CEP170: variants seen among roughly 807,000 people sequenced by gnomAD.
CEP170 encodes the protein centrosomal protein of 170 kDa.
CEP170 carries 21 observed loss-of-function variants against 151.9 expected under a neutral mutation model. The ratio of observed to expected loss-of-function variants is 0.14; its 90% CI spans 0.10 to 0.20. CEP170 has a LOEUF of 0.20. Among genes scored for constraint, CEP170 ranks in the 10% least tolerant of loss-of-function variants. The pLI is 1.00. For synonymous variants in CEP170, 356 were observed against 648.8 expected, an observed-to-expected ratio of 0.55 and a Z score of 6.86; for missense variants, 964 against 1,892.9, an observed-to-expected ratio of 0.51 and a Z score of 9.11.
intron 14 of CEP170, among the ~76,000 whole-genome samples, chr1:243,151,210 G>A (rs1403285737): frequency 1.3e-5 from 2 of 151,764 alleles, no homozygotes; most frequent in Non-Finnish European, 2.9e-5. Context: ...AGGCATGTTG[G>A]TGTCAGTATG....
At chr1:243,254,227 T>G (rs2066290397) in intron 1 of CEP170, 1 of 151,004 alleles carries the variant, frequency 6.6e-6, no homozygotes, top group African/African-American at 2.5e-5. Flanking sequence ...AATAAAACTC[T>G]ACGAAACACC....
chr1:243,162,050 T>C (rs2058105952), intron 13 of CEP170, among the ~76,000 whole-genome samples: 2 of 152,212 alleles, frequency 1.3e-5, no homozygotes, highest in Admixed American at 6.5e-5. Flanking sequence ...AATCTGAATA[T>C]ACAATCCTAG....
intron 1 of CEP170, among the ~76,000 whole-genome samples, chr1:243,239,464 C>G (rs1335257691): frequency 6.6e-6 from 1 of 152,200 alleles, no homozygotes; most frequent in Non-Finnish European, 1.5e-5. Context: ...ATCAAAATTA[C>G]ATTTATAAAA....
intron 16 of CEP170, among the ~76,000 whole-genome samples, chr1:243,138,947 A>G (rs1316534274): frequency 1.3e-5 from 2 of 152,170 alleles, no homozygotes; most frequent in East Asian, 1.9e-4. Flanking sequence ...AAGAAAGCCT[A>G]TGTAGCTACC....
At chr1:243,241,646 T>C (rs2064846257) in intron 1 of CEP170, among the ~76,000 whole-genome samples, 1 of 151,650 alleles carries the variant, frequency 6.6e-6, no homozygotes, top group Non-Finnish European at 1.5e-5. Context: ...AAAAATTAGC[T>C]GGGCGTGGTG....
intron 1 of CEP170, among the ~76,000 whole-genome samples, chr1:243,241,792 TA>T (rs34933017): frequency 0.32 from 44,806 of 139,862 alleles, 7,057 homozygotes; most frequent in South Asian, 0.54. Context: ...TCCCTCTCAT[TA>T]AAAAAAAAAA....
chr1:243,156,681 C>T (rs1036129855), intron 13 of CEP170: 10 of 423,582 alleles, frequency 2.4e-5, no homozygotes, highest in African/African-American at 2.0e-4. Flanking sequence ...ATTGGAAGAC[C>T]ATGTTTTCCA....
intron 1 of CEP170, among the ~76,000 whole-genome samples, chr1:243,243,660 A>T (rs1201914799): frequency 2.0e-5 from 3 of 152,002 alleles, no homozygotes; most frequent in Non-Finnish European, 4.4e-5. Flanking sequence ...AGTAGCTGGG[A>T]CTACAGGTGC....
intron 10 of CEP170, among the ~76,000 whole-genome samples, chr1:243,177,312 A>T (rs1430655817): frequency 3.3e-5 from 5 of 152,258 alleles, no homozygotes; most frequent in Non-Finnish European, 5.9e-5. Flanking sequence ...TTATTAGTTT[A>T]AAAAATATCC....
intron 12 of CEP170, among the ~76,000 whole-genome samples, chr1:243,167,900 A>G (rs533124951): frequency 2.0e-5 from 3 of 152,032 alleles, no homozygotes; most frequent in South Asian, 2.1e-4. Flanking sequence ...TATACATTCA[A>G]TATGCTTAAC....
intron 14 of CEP170, among the ~76,000 whole-genome samples, chr1:243,144,621 C>T (rs2056248303): frequency 2.0e-5 from 3 of 151,952 alleles, no homozygotes; most frequent in Admixed American, 6.6e-5. Flanking sequence ...TTTATGCAGA[C>T]GATCTGTACA....
At chr1:243,207,003 A>G (rs10926965) in intron 4 of CEP170, among the ~76,000 whole-genome samples, 60,551 of 151,596 alleles carry the variant, frequency 0.4, 12,214 homozygotes, top group South Asian at 0.55. Context: ...AATCAGAAAC[A>G]GGGAAAGAGA....
chr1:243,181,719 C>G (rs1419333299), intron 10 of CEP170, among the ~76,000 whole-genome samples: 1 of 152,190 alleles, frequency 6.6e-6, no homozygotes. Flanking sequence ...TAGTTAACAT[C>G]AGTGTGTCAT....
chr1:243,254,248 G>A (rs2066296191), intron 1 of CEP170: 1 of 151,944 alleles, frequency 6.6e-6, no homozygotes, highest in Non-Finnish European at 1.5e-5. Flanking sequence ...ACCGAACAGA[G>A]ATTCTGTGAC....
chr1:243,140,754 A>T (rs2055745608), intron 15 of CEP170, among the ~76,000 whole-genome samples: 1 of 152,232 alleles, frequency 6.6e-6, no homozygotes, highest in African/African-American at 2.4e-5. Context: ...GACTCAACCT[A>T]GTACAATATT....
At chr1:243,133,256 A>G (rs1476710492) in intron 17 of CEP170, among the ~76,000 whole-genome samples, 1 of 152,174 alleles carries the variant, frequency 6.6e-6, no homozygotes, top group East Asian at 1.9e-4. Flanking sequence ...AACACACTGA[A>G]CTATAATTAA....
chr1:243,207,453 C>G (rs1347247219), intron 4 of CEP170, among the ~76,000 whole-genome samples: 1 of 152,172 alleles, frequency 6.6e-6, no homozygotes, highest in Non-Finnish European at 1.5e-5. Context: ...TTTCAATACC[C>G]CTTTCTTAAT....
chr1:243,254,413 G>A (rs1367599280), intron 1 of CEP170: 2 of 152,120 alleles, frequency 1.3e-5, no homozygotes, highest in African/African-American at 2.4e-5. Context: ...CTCCTCCCCC[G>A]GGTTTACTAC....
At chr1:243,243,842 A>G (rs2065099450) in intron 1 of CEP170, among the ~76,000 whole-genome samples, 1 of 152,212 alleles carries the variant, frequency 6.6e-6, no homozygotes, top group East Asian at 1.9e-4. Flanking sequence ...CCTCTTTAAA[A>G]GTAGACACCA....
Sources: allele counts gnomAD v4.1 joint callset (sites outside exome capture counted in the v4.1 genomes callset), GRCh38; gene constraint gnomAD v4.1.1; transcripts MANE v1.5; gene names NCBI Gene and HGNC (gene_info 2026-07-23, HGNC 2026-07-21).